The following CAV1 variants were observed in gnomAD, a reference collection of about 807,000 sequenced individuals.
The protein encoded by CAV1 is caveolin 1.
A neutral mutation model predicts 16.5 loss-of-function variants in CAV1; 10 were observed. The ratio of observed to expected loss-of-function variants is 0.61; its 90% CI spans 0.37 to 1.03. CAV1 has a LOEUF of 1.03. Ranked by LOEUF, CAV1 falls within the 50% of genes least tolerant of loss-of-function variation. The probability of loss-of-function intolerance (pLI) is 0.01; values close to 1 mark genes in which losing one functional copy is unlikely to be tolerated. For missense variants in CAV1, 212 were observed against 232.8 expected, an observed-to-expected ratio of 0.91 and a Z score of 0.58; for synonymous variants, 76 against 85.1, an observed-to-expected ratio of 0.89 and a Z score of 0.59.
chr7:116,555,605 AGAAAGAAAGAAAGAAGGG>A (rs1562838757), intron 2 of CAV1, among the ~76,000 whole-genome samples: 21 of 87,354 alleles, frequency 2.4e-4, no homozygotes, highest in East Asian at 5.2e-4. Context: ...AGAAAGAAAG[AGAAAGAAAGAAAGAAGGG>A]AGGGAGGGAG....
rs1794402232 is a variant in CAV1 at position 116,561,141 on chromosome 7, G to A, written c.*1854G>A. The stretch of plus-strand genomic sequence containing the variant: ...TTTTTTATCATGCATGTCCTGTAAA[G>A]GTTACAAGCCTGCACAATAAAAATG... On this transcript the variant is annotated 3_prime_UTR_variant, in exon 3 of 3. Transcript: ENST00000341049. The A allele has an allele frequency of 6.6e-6, 1 of 152,466 alleles. No individual in the cohort carries two copies. The highest frequency in any genetic ancestry group is 2.1e-4 in the South Asian group (1 of 4,830). The allele number at this position is 152,466 out of a possible 1,614,324, so 9.4% of individuals were successfully genotyped here.
intron 2 of CAV1, among the ~76,000 whole-genome samples, chr7:116,555,519 AGAGAGAGAGAGAGAGAGAG>A (rs1562838199): frequency 0.031 from 203 of 6,558 alleles, 39 homozygotes; most frequent in South Asian, 0.15. Flanking sequence ...AAAGAAAGAA[AGAGAGAGAGAGAGAGAGAG>A]AGAGAGAAAG....
intron 2 of CAV1, among the ~76,000 whole-genome samples, chr7:116,555,290 A>G (rs1045869754): frequency 2.6e-5 from 4 of 151,468 alleles, no homozygotes; most frequent in African/African-American, 9.7e-5. Flanking sequence ...TACAAAAAGC[A>G]AAAAATTAGC....
At chr7:116,536,770 G>A (rs1584773615) in intron 2 of CAV1, among the ~76,000 whole-genome samples, 2 of 152,056 alleles carry the variant, frequency 1.3e-5, no homozygotes, top group South Asian at 2.1e-4. Context: ...TTGGGAGGCC[G>A]AGGCGGGTGG....
Position 116,559,608 on chromosome 7 carries a change from G to T in CAV1, c.*321G>T. On this transcript the variant is annotated 3_prime_UTR_variant, in exon 3 of 3. Coordinates refer to ENST00000341049, the MANE Select transcript of CAV1 (RefSeq NM_001753.5). Reference sequence around the variant, plus strand: ...TAATTTGAGAGAAATATGAAGAACTGAGGAGGAAAAAAAAAAAAAAGAAAA... The same window carrying T: ...TAATTTGAGAGAAATATGAAGAACTTAGGAGGAAAAAAAAAAAAAAGAAAA... 2.2e-6 allele frequency: 1 copy of T among 460,024 alleles called. No homozygotes were observed. The highest frequency in any genetic ancestry group is 3.4e-5 in the East Asian group (1 of 29,728). 28.5% of individuals were successfully genotyped at this position (460,024 alleles called of 1,614,324 possible).
At chr7:116,546,521 C>T (rs1283099146) in intron 2 of CAV1, among the ~76,000 whole-genome samples, 1 of 149,046 alleles carries the variant, frequency 6.7e-6, no homozygotes, top group African/African-American at 2.5e-5. Context: ...GAAATCCTGC[C>T]TCTACTAAAA....
At chr7:116,535,963 C>T (rs900104489) in intron 2 of CAV1, among the ~76,000 whole-genome samples, 3 of 152,084 alleles carry the variant, frequency 2.0e-5, no homozygotes, top group Admixed American at 6.5e-5. Context: ...TTAAAGGTGA[C>T]GTTTTAAAAA....
chr7:116,534,730 G>A (rs1793772640), intron 2 of CAV1, among the ~76,000 whole-genome samples: 1 of 151,900 alleles, frequency 6.6e-6, no homozygotes, highest in African/African-American at 2.4e-5. Context: ...ATCTAGAGGT[G>A]GAGCCTGAGT....
chr7:116,536,895 C>T (rs1049157248), intron 2 of CAV1, among the ~76,000 whole-genome samples: 1 of 147,814 alleles, frequency 6.8e-6, no homozygotes, highest in Non-Finnish European at 1.5e-5. Flanking sequence ...CCCAGCTACT[C>T]GGGAGGCTGA....
chr7:116,534,256 T>G (rs1045006016), intron 2 of CAV1, among the ~76,000 whole-genome samples: 1 of 149,028 alleles, frequency 6.7e-6, no homozygotes, highest in Admixed American at 6.8e-5. Flanking sequence ...GCAGCCTTTT[T>G]AAAACCCCAT....
chr7:116,535,745 T>A (rs1793797917), intron 2 of CAV1, among the ~76,000 whole-genome samples: 1 of 152,214 alleles, frequency 6.6e-6, no homozygotes, highest in Non-Finnish European at 1.5e-5. Flanking sequence ...ATGAAATACA[T>A]CTTGTTTTCT....
At chr7:116,538,129 C>T (rs1193588172) in intron 2 of CAV1, among the ~76,000 whole-genome samples, 1 of 152,086 alleles carries the variant, frequency 6.6e-6, no homozygotes, top group African/African-American at 2.4e-5. Context: ...TCTCAATTTG[C>T]CTGCTCAATT....
intron 2 of CAV1, among the ~76,000 whole-genome samples, chr7:116,530,416 A>G (rs1434090551): frequency 2.0e-5 from 3 of 152,198 alleles, no homozygotes; most frequent in Admixed American, 2.0e-4. Context: ...AATCAAAAGT[A>G]AATACAGTAG....
intron 2 of CAV1, among the ~76,000 whole-genome samples, chr7:116,555,478 G>GGAAGGAAGGAAGGAAGGAAGGAAGGAA (rs1562837889): frequency 5.5e-4 from 4 of 7,256 alleles, no homozygotes; most frequent in Non-Finnish European, 9.7e-4. Flanking sequence ...GAAGGAAGGA[G>GGAAGGAAGGAAGGAAGGAAGGAAGGAA]GAAAGAAAAG....
intron 2 of CAV1, among the ~76,000 whole-genome samples, chr7:116,542,155 A>G (rs1584776947): frequency 6.6e-6 from 1 of 152,200 alleles, no homozygotes; most frequent in Non-Finnish European, 1.5e-5. Context: ...CATTATCTGT[A>G]TGGCAAGCCT....
intron 2 of CAV1, among the ~76,000 whole-genome samples, chr7:116,530,601 G>A (rs974381788): frequency 2.0e-5 from 3 of 152,162 alleles, no homozygotes; most frequent in African/African-American, 7.2e-5. Context: ...ATGGAGGACA[G>A]ATGGATTGCA....
At chr7:116,528,783 A>G (rs1422388194) in intron 2 of CAV1, among the ~76,000 whole-genome samples, 1 of 151,872 alleles carries the variant, frequency 6.6e-6, no homozygotes, top group Non-Finnish European at 1.5e-5. Flanking sequence ...ATTTCCCTAA[A>G]TTTTACTTTC....
At position 116,555,478 on chromosome 7, in the gene CAV1, G is replaced by GGAAGGAAGGAAGGAA. The variant is rs1562837889; in HGVS notation, c.196-3465_196-3464insGGAAGGAAGGAAGAA. Among the ~76,000 whole-genome samples the GGAAGGAAGGAAGGAA allele has an allele frequency of 8.1e-3, 59 of 7,250 alleles. 11 individuals carry two copies. The East Asian group carries it at 0.083, about 10-fold the overall frequency. The allele number at this position is 7,250 out of a possible 152,430, so 4.8% of individuals were successfully genotyped here. Reference sequence around the variant, plus strand: ...AAGGAAGGAAGGAAGGAAGGAAGGAGGAAAGAAAAGAAAGAAAGAAAGAAA... The same window carrying GGAAGGAAGGAAGGAA: ...AAGGAAGGAAGGAAGGAAGGAAGGAGGAAGGAAGGAAGGAAGAAAGAAAAGAAAGAAAGAAAGAAA... On this transcript the variant is annotated intron_variant, in intron 2 of 2. Coordinates refer to ENST00000341049, the MANE Select transcript of CAV1 (RefSeq NM_001753.5).
chr7:116,527,753 A>G (rs992471249), intron 2 of CAV1, among the ~76,000 whole-genome samples: 1 of 152,174 alleles, frequency 6.6e-6, no homozygotes, highest in African/African-American at 2.4e-5. Flanking sequence ...GCGGATGAGC[A>G]ATTTCCACCC....
Sources: allele counts gnomAD v4.1 joint callset (sites outside exome capture counted in the v4.1 genomes callset), GRCh38; gene constraint gnomAD v4.1.1; transcripts MANE v1.5; gene names NCBI Gene and HGNC (gene_info 2026-07-23, HGNC 2026-07-21).